The following LGR4 variants were observed in gnomAD, a reference collection of about 807,000 sequenced individuals.
The protein encoded by LGR4 is leucine-rich repeat-containing G protein-coupled receptor 4.
In LGR4, 44 loss-of-function variants were observed where a neutral mutation model predicts 84.8. The ratio of observed to expected loss-of-function variants is 0.52; its 90% CI spans 0.41 to 0.67. The LOEUF (loss-of-function observed/expected upper bound fraction) is 0.67, where lower values mean the gene tolerates loss of function less well. LGR4 is among the 30% of genes least tolerant of loss of function. The pLI is 0.00. For missense variants in LGR4, 1,032 were observed against 1,131.4 expected (o/e 0.91, Z 1.26); for synonymous variants, 429 against 434.3 (o/e 0.99, Z 0.15).
At chr11:27,450,297 G>A (rs1864460280) in intron 1 of LGR4, among the ~76,000 whole-genome samples, 1 of 152,148 alleles carries the variant, frequency 6.6e-6, no homozygotes, top group East Asian at 1.9e-4. Context: ...AGAGACATGG[G>A]TATATTCCTC....
intron 1 of LGR4, among the ~76,000 whole-genome samples, chr11:27,460,095 A>C (rs1372578177): frequency 6.6e-6 from 1 of 152,108 alleles, no homozygotes; most frequent in Non-Finnish European, 1.5e-5. Flanking sequence ...GTCTCAAAAA[A>C]AAGAATAAGA....
At chr11:27,466,306 T>C (rs892862289) in intron 1 of LGR4, among the ~76,000 whole-genome samples, 1 of 152,208 alleles carries the variant, frequency 6.6e-6, no homozygotes, top group Non-Finnish European at 1.5e-5. Flanking sequence ...AATTACTAAA[T>C]GATTCTTGCA....
chr11:27,421,006 A>G (rs1863915255), intron 1 of LGR4, among the ~76,000 whole-genome samples: 1 of 151,846 alleles, frequency 6.6e-6, no homozygotes, highest in Non-Finnish European at 1.5e-5. Context: ...AGGCCTTCAT[A>G]TGTGACCTTT....
At chr11:27,444,476 G>T (rs1342815650) in intron 1 of LGR4, among the ~76,000 whole-genome samples, 1 of 152,068 alleles carries the variant, frequency 6.6e-6, no homozygotes, top group Non-Finnish European at 1.5e-5. Context: ...CTAGTCAACC[G>T]AGACAAAGGG....
intron 1 of LGR4, among the ~76,000 whole-genome samples, chr11:27,452,654 GTC>G (rs1565098449): frequency 3.1e-5 from 4 of 129,040 alleles, no homozygotes; most frequent in African/African-American, 9.1e-5. Context: ...TTGAGACAGA[GTC>G]TCTGTCGCCC....
chr11:27,465,969 A>G (rs369025369), intron 1 of LGR4, among the ~76,000 whole-genome samples: 2 of 152,340 alleles, frequency 1.3e-5, no homozygotes, highest in South Asian at 4.1e-4. Flanking sequence ...GAAAAAAGAA[A>G]AAAAGTCATC....
chr11:27,409,857 C>T (rs1863677684), intron 2 of LGR4, among the ~76,000 whole-genome samples: 1 of 152,104 alleles, frequency 6.6e-6, no homozygotes, highest in African/African-American at 2.4e-5. Context: ...GGAAGACTAT[C>T]CCAAATCCTA....
At chr11:27,436,828 T>A (rs1171055665) in intron 1 of LGR4, among the ~76,000 whole-genome samples, 6 of 152,152 alleles carry the variant, frequency 3.9e-5, no homozygotes, top group Non-Finnish European at 5.9e-5. Context: ...ACCCTACATG[T>A]CTTACGCTTG....
intron 1 of LGR4, among the ~76,000 whole-genome samples, chr11:27,416,252 A>G (rs1463500344): frequency 2.0e-5 from 3 of 152,186 alleles, no homozygotes; most frequent in African/African-American, 7.2e-5. Context: ...TACTGGGAGT[A>G]CGGGCTTTGG....
chr11:27,440,825 C>T (rs928091543), intron 1 of LGR4, among the ~76,000 whole-genome samples: 1 of 152,072 alleles, frequency 6.6e-6, no homozygotes, highest in Non-Finnish European at 1.5e-5. Flanking sequence ...GGAAATTTGC[C>T]AGAAATTCAA....
chr11:27,450,880 A>G (rs901422430), intron 1 of LGR4, among the ~76,000 whole-genome samples: 1 of 152,122 alleles, frequency 6.6e-6, no homozygotes, highest in Non-Finnish European at 1.5e-5. Flanking sequence ...CAAAACAACC[A>G]TTTCTTTGCC....
chr11:27,407,915 AAGAG>A (rs756743879), intron 2 of LGR4, among the ~76,000 whole-genome samples: 1 of 152,256 alleles, frequency 6.6e-6, no homozygotes, highest in South Asian at 2.1e-4. Flanking sequence ...TGTGGAAAGA[AAGAG>A]AGAGAGAAAG....
intron 1 of LGR4, among the ~76,000 whole-genome samples, chr11:27,429,350 T>C (rs1391751476): frequency 2.0e-5 from 3 of 151,948 alleles, no homozygotes; most frequent in Admixed American, 6.6e-5. Flanking sequence ...CTGGGCATGG[T>C]GGCAGGTACC....
intron 1 of LGR4, among the ~76,000 whole-genome samples, chr11:27,468,768 T>G (rs1453528794): frequency 6.6e-6 from 1 of 151,852 alleles, no homozygotes; most frequent in East Asian, 1.9e-4. Flanking sequence ...AGTAAAGCTA[T>G]GATCAAGGAC....
chr11:27,428,240 T>TG (rs1164774948), intron 1 of LGR4, among the ~76,000 whole-genome samples: 1 of 151,962 alleles, frequency 6.6e-6, no homozygotes, highest in East Asian at 1.9e-4. Context: ...CAGGTTCAAG[T>TG]GATTCTCCTT....
chr11:27,435,934 G>A (rs551614634), intron 1 of LGR4, among the ~76,000 whole-genome samples: 32 of 148,986 alleles, frequency 2.1e-4, no homozygotes, highest in South Asian at 1.9e-3. Flanking sequence ...TTTTTGAGAC[G>A]GAGTCTCGCT....
At chr11:27,469,558 A>AC (rs1231894490) in intron 1 of LGR4, among the ~76,000 whole-genome samples, 1 of 151,772 alleles carries the variant, frequency 6.6e-6, no homozygotes, top group Admixed American at 6.6e-5. Flanking sequence ...AGTGAAATGC[A>AC]CCCCCCACCC....
chr11:27,373,709 C>A, intron 14 of LGR4, 33 bp from the exon 15 acceptor site: 1 of 1,518,534 alleles, frequency 6.6e-7, no homozygotes, highest in South Asian at 1.3e-5. Context: ...AGTTAATGCC[C>A]AATATATAAA....
rs143058034 is a variant in LGR4, at chr11:27,434,476, T to A, written c.186-21616A>T. 1.1e-3 allele frequency among the ~76,000 whole-genome samples: 174 copies of A among 152,340 alleles called. 2 individuals carry two copies. The highest frequency in any genetic ancestry group is 3.9e-3 in the African/African-American group (162 of 41,584). On this transcript the variant is annotated intron_variant, in intron 1 of 17. Transcript: ENST00000379214. Reference sequence around the variant, plus strand: ...GCCTTACATACCCAAAGTAAAATAATTTTTGGTGAAGTAGAGGCCTGTGGT... The same window carrying A: ...GCCTTACATACCCAAAGTAAAATAAATTTTGGTGAAGTAGAGGCCTGTGGT...
Sources: allele counts gnomAD v4.1 joint callset (sites outside exome capture counted in the v4.1 genomes callset), GRCh38; gene constraint gnomAD v4.1.1; transcripts MANE v1.5; gene names NCBI Gene and HGNC (gene_info 2026-07-23, HGNC 2026-07-21).